The following PYGM variants were observed in gnomAD, a reference collection of about 807,000 sequenced individuals.
PYGM encodes glycogen phosphorylase, muscle associated, also known as glycogen phosphorylase, muscle form.
A neutral mutation model predicts 99.3 loss-of-function variants in PYGM; 81 were observed. The ratio of observed to expected loss-of-function variants is 0.82; its 90% CI spans 0.68 to 0.98. PYGM has a LOEUF of 0.98. Among genes scored for constraint, PYGM ranks in the 50% least tolerant of loss-of-function variants. The pLI, the probability that PYGM is intolerant of heterozygous loss-of-function variation, is 0.00. For missense variants in PYGM, 1,030 were observed against 1,158.1 expected, an observed-to-expected ratio of 0.89 and a Z score of 1.61; for synonymous variants, 436 against 451.5, an observed-to-expected ratio of 0.97 and a Z score of 0.44.
At chr11:64,751,692 T>C in intron 14 of PYGM, 37 bp from the exon 15 acceptor site, 1 of 1,610,978 alleles carries the variant, frequency 6.2e-7, no homozygotes, top group Non-Finnish European at 8.5e-7. Flanking sequence ...GGGCCTACCT[T>C]TCCCTCTGGG....
At chr11:64,747,620 TTTTCTCCC>T in intron 17 of PYGM, 1 of 508,828 alleles carries the variant, frequency 2.0e-6, no homozygotes, top group South Asian at 2.0e-5. Flanking sequence ...AAACAAGCTC[TTTTCTCCC>T]ACACGCCACT....
chr11:64,758,377 A>G, intron 3 of PYGM, 28 bp from the exon 4 acceptor site: 2 of 1,612,950 alleles, frequency 1.2e-6, no homozygotes, highest in Non-Finnish European at 1.7e-6. Flanking sequence ...GGTGGCTGTC[A>G]GGGACCCAGC....
chr11:64,757,383 A>T (rs996154319), intron 5 of PYGM, among the ~76,000 whole-genome samples: 1 of 151,946 alleles, frequency 6.6e-6, no homozygotes, highest in Non-Finnish European at 1.5e-5. Flanking sequence ...GATCCCTCTA[A>T]CTTGCTGTGT....
chr11:64,749,345 T>TCAAAA (rs1365689535), intron 17 of PYGM, among the ~76,000 whole-genome samples: 1 of 139,068 alleles, frequency 7.2e-6, no homozygotes, highest in African/African-American at 2.7e-5. Context: ...AGACTCCATC[T>TCAAAA]CAAAACAAAA....
At position 64,755,558 on chromosome 11, in the gene PYGM, C is replaced by G. The variant is rs139020880; in HGVS notation, c.661G>C (p.Val221Leu). ...SQGAKWVDTQVVLAMPYDTPV... is the reference protein window; with the variant it reads ...SQGAKWVDTQLVLAMPYDTPV... Reference sequence around the variant, plus strand: ...GTATCGTAGGGCATGGCCAGTACCACCTGCGGGGGGCAATCCTGTCAGGAG... The same window carrying G: ...GTATCGTAGGGCATGGCCAGTACCAGCTGCGGGGGGCAATCCTGTCAGGAG... Residue 221 changes from valine (V) to leucine (L), a missense_variant and splice_region_variant, in exon 6 of 20, where the codon GTG becomes CTG. Val to Leu is a conservative substitution (Grantham distance 32). Transcript: ENST00000164139. The surrounding 1 kb of genome is among the most constrained non-coding windows in gnomAD (Gnocchi z 4.1). 6.2e-7 allele frequency: 1 copy of G among 1,613,294 alleles called. No homozygotes were observed. Among genetic ancestry groups the G allele is most frequent in the African/African-American group, 1.3e-5 (1 of 74,918 alleles).
rs572045103 is a variant in PYGM at position 64,758,719 on chromosome 11, G to A, written c.244-15C>T. Reference sequence around the variant, plus strand: ...TAGTAGATCCTCTGCCCAGAGAGACGGATGGGCAGGGAATGGGGTCAGGGC... The same window carrying A: ...TAGTAGATCCTCTGCCCAGAGAGACAGATGGGCAGGGAATGGGGTCAGGGC... On this transcript the variant is annotated splice_polypyrimidine_tract_variant and intron_variant, in intron 1 of 19. Transcript: ENST00000164139. 3.1e-5 allele frequency: 49 copies of A among 1,574,230 alleles called. No individual in the cohort carries two copies. The highest frequency in any genetic ancestry group is 4.1e-5 in the African/African-American group (3 of 73,910).
At position 64,755,491 on chromosome 11, in the gene PYGM, C is replaced by A; in HGVS notation, c.728G>T (p.Arg243Leu). The A allele has an allele frequency of 6.2e-7, 1 of 1,614,170 alleles. No individual in the cohort carries two copies. Residue 243 changes from arginine to leucine, a missense_variant, in exon 6 of 20, where the codon CGC becomes CTC. Physicochemically the swap from Arg to Leu is moderately radical, Grantham distance 102 (BLOSUM62 -2). Coordinates refer to ENST00000164139, the MANE Select transcript of PYGM (RefSeq NM_005609.4). The surrounding 1 kb of genome is among the most constrained non-coding windows in gnomAD (Gnocchi z 4.1). ...ATTGGGAGCCTTGGCAGACCAGAGG[C>A]GCATGGTGTTGACAACATTGTTGCG... ...GYRNNVVNTM[R>L]LWSAKAPNDF...
chr11:64,751,302 G>A (rs1330549969), intron 16 of PYGM, 23 bp downstream of exon 16: 96 of 1,613,668 alleles, frequency 5.9e-5, no homozygotes, highest in Middle Eastern at 1.6e-4. Flanking sequence ...AGCCTCCCTA[G>A]GGTCCCTGTT....
At chr11:64,747,189 C>T in intron 18 of PYGM, 35 bp downstream of exon 18, 1 of 1,612,178 alleles carries the variant, frequency 6.2e-7, no homozygotes, top group Non-Finnish European at 8.5e-7. Context: ...TGCCCTGCGG[C>T]CCCACCTGAG....
intron 4 of PYGM, 29 bp from the exon 5 acceptor site, chr11:64,757,939 G>T (rs903861924): frequency 1.9e-6 from 3 of 1,613,066 alleles, no homozygotes; most frequent in Non-Finnish European, 2.5e-6. Context: ...AGGGAGAAAG[G>T]CCAGCAGTAT....
upstream of PYGM, chr11:64,760,295 T>G: frequency 4.1e-6 from 1 of 241,528 alleles, no homozygotes; most frequent in Non-Finnish European, 8.3e-6. Flanking sequence ...TGAACCAGGA[T>G]GGGAGGCCAT....
chr11:64,756,276 T>C (rs2058394029), intron 5 of PYGM, among the ~76,000 whole-genome samples: 2 of 152,172 alleles, frequency 1.3e-5, no homozygotes. Context: ...CCACAGCCAC[T>C]TGTGCCAGTT....
chr11:64,752,689 C>T (rs1003963420), intron 12 of PYGM, among the ~76,000 whole-genome samples, 185 bp from the exon 13 acceptor site: 11 of 152,212 alleles, frequency 7.2e-5, no homozygotes, highest in Non-Finnish European at 1.0e-4. Context: ...CCTCCCCTCC[C>T]GTCCTTGAGC....
chr11:64,751,004 G>A (rs1429981029), intron 16 of PYGM: 1 of 407,208 alleles, frequency 2.5e-6, no homozygotes, highest in East Asian at 5.8e-5. Context: ...TGATTCTCCT[G>A]CTTCAGCCTC....
chr11:64,750,225 G>T, intron 17 of PYGM, 151 bp downstream of exon 17: 1 of 798,936 alleles, frequency 1.3e-6, no homozygotes, highest in Non-Finnish European at 2.2e-6. Context: ...TTTGCTGTAA[G>T]CGCCCTCTAA....
Position 64,754,090 on chromosome 11 carries a change from CA to C in PYGM, c.1093-66del. 6.2e-7 allele frequency: 1 copy of C among 1,602,770 alleles called. No homozygotes were observed. Among genetic ancestry groups the C allele is most frequent in the Non-Finnish European group, 8.5e-7 (1 of 1,174,294 alleles). ...CCAGTGGGTCTCCTCACACACTACG[CA>C]TCCCAGTGGGCCCCCCCACTGCAGT... On this transcript the variant is annotated intron_variant, in intron 9 of 19. Transcript: ENST00000164139. The surrounding 1 kb of genome is among the most constrained non-coding windows in gnomAD (Gnocchi z 5.5).
chr11:64,747,379 T>A (rs1193151501), intron 17 of PYGM, 21 bp from the exon 18 acceptor site: 1 of 1,614,102 alleles, frequency 6.2e-7, no homozygotes, highest in East Asian at 2.2e-5. Context: ...AGAGCTGTGG[T>A]CAGCTCCCCG....
upstream of PYGM, chr11:64,760,131 C>G (rs1397865350): frequency 1.6e-6 from 1 of 624,852 alleles, no homozygotes; most frequent in Non-Finnish European, 2.7e-6. Context: ...CCACTTGGGC[C>G]GCCAAGACTG....
In PYGM at chr11:64,758,172, G is replaced by T. The variant is rs489192; in HGVS notation, c.528+74C>A. The T allele has an allele frequency of 0.87, 1,328,805 of 1,518,956 alleles. 587,391 individuals carry two copies. Among genetic ancestry groups the T allele is most frequent in the Non-Finnish European group, 0.92 (1,003,994 of 1,095,918 alleles). The allele number at this position is 1,518,956 out of a possible 1,614,324, so 94.1% of individuals were successfully genotyped here. The stretch of plus-strand genomic sequence containing the variant: ...AGCTTGCGGGGCTGTTTCGGACCTT[G>T]CCAGAGATGATAAACAAGTGGGGGT... On this transcript the variant is annotated intron_variant, in intron 4 of 19. Transcript: ENST00000164139.
Sources: allele counts gnomAD v4.1 joint callset (sites outside exome capture counted in the v4.1 genomes callset), GRCh38; gene constraint gnomAD v4.1.1; non-coding constraint Gnocchi (gnomAD v3.1); transcripts MANE v1.5; gene names NCBI Gene and HGNC (gene_info 2026-07-23, HGNC 2026-07-21).